Variants in KCNH4 observed in about 807,000 individuals in gnomAD.
KCNH4 encodes potassium voltage-gated channel subfamily H member 4.
A neutral mutation model predicts 90.7 loss-of-function variants in KCNH4; 33 were observed. That is an observed-to-expected ratio of 0.36 (90% CI 0.28 to 0.49). The LOEUF (loss-of-function observed/expected upper bound fraction) is 0.49. Among genes scored for constraint, KCNH4 ranks in the 20% least tolerant of loss-of-function variants. KCNH4 has a pLI of 0.98. For synonymous variants in KCNH4, 551 were observed against 581.7 expected, an observed-to-expected ratio of 0.95 and a Z score of 0.76; for missense variants, 1,044 against 1,387.1, an observed-to-expected ratio of 0.75 and a Z score of 3.93.
At chr17:42,179,086 G>T in intron 1 of KCNH4, 60 bp from the exon 2 acceptor site, 1 of 1,275,642 alleles carries the variant, frequency 7.8e-7, no homozygotes, top group South Asian at 1.3e-5. Context: ...CTTCCAGGTG[G>T]GCAGCACTTC....
rs1041600484 is a variant in KCNH4, at chr17:42,169,334, C to A, written c.1590+143G>T. Reference sequence around the variant, plus strand: ...ACCTCAAGTGACCTGCCCGCCTCAGCCTCCCAAAGTGCTGGGATTACAGGT... The same window carrying A: ...ACCTCAAGTGACCTGCCCGCCTCAGACTCCCAAAGTGCTGGGATTACAGGT... On this transcript the variant is annotated intron_variant, in intron 9 of 16. Coordinates refer to ENST00000264661, the MANE Select transcript of KCNH4 (RefSeq NM_012285.3). 6.7e-6 allele frequency: 5 copies of A among 748,422 alleles called. No homozygotes were observed. In the South Asian group the frequency reaches 6.9e-5, roughly 10 times the overall value. The allele number at this position is 748,422 out of a possible 1,614,324, so 46.4% of individuals were successfully genotyped here.
At chr17:42,172,204 A>C (rs2079831928) in intron 6 of KCNH4, among the ~76,000 whole-genome samples, 1 of 149,180 alleles carries the variant, frequency 6.7e-6, no homozygotes, top group South Asian at 2.1e-4. Flanking sequence ...CTTTGTAATT[A>C]CTTTTTTTTT....
chr17:42,158,630 T>C (rs960683056), intron 16 of KCNH4, among the ~76,000 whole-genome samples: 3 of 150,668 alleles, frequency 2.0e-5, no homozygotes, highest in African/African-American at 7.3e-5. Flanking sequence ...GGTCAGGAGA[T>C]TGAGACCATC....
At chr17:42,175,431 A>G (rs962302892) in intron 6 of KCNH4, 148 bp downstream of exon 6, 7 of 919,872 alleles carry the variant, frequency 7.6e-6, no homozygotes, top group Non-Finnish European at 1.2e-5. Context: ...TACCTAGCAC[A>G]GGGCTATGCC....
intron 6 of KCNH4, 86 bp downstream of exon 6, chr17:42,175,493 A>G: frequency 6.9e-7 from 1 of 1,443,244 alleles, no homozygotes; most frequent in South Asian, 1.2e-5. Context: ...GAAGGGGCAT[A>G]TCTGGGTTTG....
chr17:42,178,124 G>A lies in KCNH4; in HGVS notation c.561C>T (p.Gly187=). The A allele has an allele frequency of 6.2e-7, 1 of 1,614,110 alleles. No homozygotes were observed. The highest frequency in any genetic ancestry group is 1.3e-5 in the African/African-American group (1 of 75,036). Reference sequence around the variant, plus strand: ...CATTATTGGCCTTCATGCCTCCCTGGCCCCGGCGGCCAAAGTGGCCGGTCA... The same window carrying A: ...CATTATTGGCCTTCATGCCTCCCTGACCCCGGCGGCCAAAGTGGCCGGTCA... ...HRLTGHFGRR[G]QGGMKANNNV... Residue 187 remains glycine, a synonymous_variant, in exon 4 of 17, where the codon GGC becomes GGT. Coordinates refer to ENST00000264661, the MANE Select transcript of KCNH4 (RefSeq NM_012285.3).
In KCNH4 at chr17:42,165,505, G is replaced by A. The variant is rs754763105; in HGVS notation, c.2029C>T (p.Arg677Trp). The change falls in exon 11 of 17, where the codon CGG (arginine) becomes TGG (tryptophan). Residue 677 changes from arginine to tryptophan, a missense_variant. Around this residue, in one of 4 missense-constraint regions of KCNH4, gnomAD observed 441 missense variants for 512.3 expected, o/e 0.86. Coordinates refer to ENST00000264661, the MANE Select transcript of KCNH4 (RefSeq NM_012285.3). ...GTGAGGTCCCGGGGCAGGCCAGCCC[G>A]GAAGGCAGCCCCATACTCAGGATAG... ...RLYPEYGAAFRAGLPRDLTFN... is the reference protein window; with the variant it reads ...RLYPEYGAAFWAGLPRDLTFN... 3.3e-5 allele frequency: 54 copies of A among 1,614,062 alleles called. No homozygotes were observed. In the Admixed American group the frequency reaches 4.5e-4, roughly 13 times the overall value.
chr17:42,160,740 C>T (rs1373506569), intron 15 of KCNH4, among the ~76,000 whole-genome samples: 2 of 152,150 alleles, frequency 1.3e-5, no homozygotes, highest in Admixed American at 1.3e-4. Context: ...TTATTCTCAG[C>T]TGATCCCATC....
In KCNH4 at chr17:42,160,421, A is replaced by C. The variant is rs934652542; in HGVS notation, c.2673T>G (p.Asn891Lys). 8 of 1,601,612 alleles carry C rather than the reference A, an allele frequency of 5.0e-6. No homozygotes were observed. The African/African-American group carries it at 1.1e-4, about 21-fold the overall frequency. Residue 891 changes from asparagine to lysine, a missense_variant, in exon 16 of 17, where the codon AAT (asparagine) becomes AAG (lysine). Asn to Lys is a moderately conservative substitution (Grantham distance 94). Transcript: ENST00000264661. The stretch of plus-strand genomic sequence containing the variant: ...CCCGGCTAAGCTGAGACACCTCCTG[A>C]TTGAGACGAGAGATCTGTTGAAAAC... ...CRLNQEISRLNQEVSQLSREL... is the reference protein window; with the variant it reads ...CRLNQEISRLKQEVSQLSREL...
At chr17:42,166,925 G>A (rs1436330220) in intron 9 of KCNH4, among the ~76,000 whole-genome samples, 2 of 152,156 alleles carry the variant, frequency 1.3e-5, no homozygotes, top group African/African-American at 4.8e-5. Context: ...CTGGGCCTCA[G>A]TATCCCAGTC....
intron 6 of KCNH4, among the ~76,000 whole-genome samples, chr17:42,174,028 G>A (rs970647981): frequency 6.6e-6 from 1 of 151,978 alleles, no homozygotes; most frequent in African/African-American, 2.4e-5. Context: ...AGCTATCTTG[G>A]CTCACTGCAA....
At position 42,178,866 on chromosome 17, in the gene KCNH4, G is replaced by A. The variant is rs575622049; in HGVS notation, c.237C>T (p.Ala79=). The change falls in exon 2 of 17, where the codon GCC becomes GCT. Residue 79 remains alanine, a synonymous_variant. Coordinates refer to ENST00000264661, the MANE Select transcript of KCNH4 (RefSeq NM_012285.3). The part of the protein sequence containing the change: ...FLYGPETSEP[A]LQRLHKALEG... ...CCAGGGCTTTGTGCAGACGCTGCAG[G>A]GCTGGCTCACTGGTCTCTGGGCCGT... 5.6e-6 allele frequency: 9 copies of A among 1,614,182 alleles called. No individual in the cohort carries two copies. The South Asian group carries it at 6.6e-5, about 12-fold the overall frequency.
At chr17:42,178,757 C>T (rs771602198) in intron 2 of KCNH4, 36 bp downstream of exon 2, 81 of 1,565,940 alleles carry the variant, frequency 5.2e-5, no homozygotes, top group African/African-American at 1.3e-4. Flanking sequence ...GGCTAGGGGT[C>T]TAGGCAGAGC....
intron 2 of KCNH4, 86 bp downstream of exon 2, chr17:42,178,707 A>G (rs2079880259): frequency 1.6e-6 from 2 of 1,268,770 alleles, no homozygotes; most frequent in Non-Finnish European, 2.2e-6. Context: ...TGTGGGGACA[A>G]GCACTCAGAC....
Position 42,170,145 on chromosome 17 carries a change from G to A in KCNH4, c.1352C>T (p.Ala451Val), listed in dbSNP as rs565731500. Reference protein sequence around the residue: ...GFGNVCANTDAEKIFSICTML... With the variant: ...GFGNVCANTDVEKIFSICTML... ...CGTGCAGATGGAGAAGATCTTCTCC[G>A]CGTCGGTGTTGGCACACACGTTGCC... The change falls in exon 8 of 17, where the codon GCG becomes GTG. Residue 451 changes from alanine (A) to valine (V), a missense_variant. This residue lies in a region of KCNH4 where 318 missense variants were observed against 479.6 expected (regional missense o/e 0.66). Coordinates refer to ENST00000264661, the MANE Select transcript of KCNH4 (RefSeq NM_012285.3). 1.7e-5 allele frequency: 28 copies of A among 1,613,082 alleles called. No individual in the cohort carries two copies. The South Asian group carries it at 2.1e-4, about 12-fold the overall frequency.
rs1198722971 is a variant in KCNH4 at position 42,163,210 on chromosome 17, T to C, written c.2584+18A>G. 1 of 1,541,200 alleles carries C rather than the reference T, an allele frequency of 6.5e-7. No homozygotes were observed. The highest frequency in any genetic ancestry group is 9.0e-7 in the Non-Finnish European group (1 of 1,113,536). On this transcript the variant is annotated intron_variant, in intron 14 of 16. Transcript: ENST00000264661. This position sits in a 1 kb window ranked among gnomAD's most constrained non-coding sequence, Gnocchi z 5.4. The stretch of plus-strand genomic sequence containing the variant: ...GGGCAGATGGATGACGGGGTTGAAG[T>C]CCACTGTTGGCCCTTACCTGTAGGG...
At chr17:42,164,743 A>G (rs1362090077) in intron 11 of KCNH4, among the ~76,000 whole-genome samples, 1 of 151,472 alleles carries the variant, frequency 6.6e-6, no homozygotes. Flanking sequence ...CGGAGGTTGC[A>G]GTGAGCTGAG....
intron 16 of KCNH4, among the ~76,000 whole-genome samples, chr17:42,158,841 AAT>A (rs1015365156): frequency 4.0e-5 from 6 of 148,878 alleles, no homozygotes; most frequent in East Asian, 2.0e-4. Flanking sequence ...TCTATAAAAA[AAT>A]ATATATATAT....
chr17:42,175,515 T>A (rs1195620965), intron 6 of KCNH4, 64 bp downstream of exon 6: 4 of 1,593,410 alleles, frequency 2.5e-6, no homozygotes, highest in Non-Finnish European at 3.4e-6. Flanking sequence ...GGTCAGTCCC[T>A]TCCTGGAAGA....
Sources: gnomAD v4.1 joint callset for allele counts (sites outside exome capture counted in the v4.1 genomes callset) on GRCh38, gnomAD v4.1.1 for gene constraint, gnomAD v4.1.1 regional missense constraint, Gnocchi (gnomAD v3.1) non-coding constraint, MANE v1.5 for transcripts, NCBI Gene and HGNC (gene_info 2026-07-23, HGNC 2026-07-21) for gene names.